The following JAZF1 variants were observed in gnomAD, a reference collection of about 807,000 sequenced individuals.
The protein encoded by JAZF1 is JAZF zinc finger 1.
JAZF1 carries 8 observed loss-of-function variants against 26.4 expected under a neutral mutation model. The observed-to-expected ratio is 0.30, with a 90% CI of 0.18 to 0.55. The LOEUF is 0.55. Ranked by LOEUF, JAZF1 falls within the 20% of genes least tolerant of loss-of-function variation. The pLI is 0.94. For synonymous variants in JAZF1, 126 were observed against 122.3 expected, an observed-to-expected ratio of 1.03 and a Z score of -0.20; for missense variants, 199 against 322.0, an observed-to-expected ratio of 0.62 and a Z score of 2.92.
chr7:28,058,182 G>C (rs138287718), intron 1 of JAZF1, among the ~76,000 whole-genome samples: 1 of 152,280 alleles, frequency 6.6e-6, no homozygotes, highest in East Asian at 1.9e-4. Flanking sequence ...CCCTGGAGCA[G>C]AAGGACCAGT....
At chr7:28,158,238 C>T (rs956527437) in intron 1 of JAZF1, among the ~76,000 whole-genome samples, 6 of 151,290 alleles carry the variant, frequency 4.0e-5, no homozygotes, top group Admixed American at 3.3e-4. Flanking sequence ...CTTCCTAATG[C>T]TGCCTGGGCC....
In JAZF1 at chr7:27,899,031, C is replaced by T. The variant is rs150660068; in HGVS notation, c.189-3615G>A. On this transcript the variant is annotated intron_variant, in intron 2 of 4. Transcript: ENST00000283928. ...GTGGGAACCCTGGTTAAAAAGGGCCCGTGTCTCCCCTGCACTAGCATGCTG... is the reference window on the plus strand; with the variant it reads ...GTGGGAACCCTGGTTAAAAAGGGCCTGTGTCTCCCCTGCACTAGCATGCTG... Among the ~76,000 whole-genome samples the T allele has an allele frequency of 3.3e-3, 505 of 152,270 alleles. 2 individuals carry two copies. Among genetic ancestry groups the T allele is most frequent in the African/African-American group, 0.012 (478 of 41,546 alleles).
intron 3 of JAZF1, among the ~76,000 whole-genome samples, chr7:27,891,793 A>G (rs563406357): frequency 6.6e-6 from 1 of 152,322 alleles, no homozygotes; most frequent in East Asian, 1.9e-4. Context: ...TGATAGCATC[A>G]CTGCACTCCA....
chr7:27,858,270 T>A (rs1219559926), intron 3 of JAZF1, among the ~76,000 whole-genome samples: 3 of 152,160 alleles, frequency 2.0e-5, no homozygotes, highest in Non-Finnish European at 2.9e-5. Context: ...TGCTCATGGA[T>A]AGGAAGAATC....
chr7:27,849,752 G>GACACAGACACACACACACACACACACAC lies in JAZF1; in HGVS notation c.386-8886_386-8885insGTGTGTGTGTGTGTGTGTGTGTCTGTGT, dbSNP rs61688947. Among the ~76,000 whole-genome samples, 86 of 108,468 alleles carry GACACAGACACACACACACACACACACAC rather than the reference G, an allele frequency of 7.9e-4. 1 individual carries two copies. Among genetic ancestry groups the GACACAGACACACACACACACACACACAC allele is most frequent in the Middle Eastern group, 9.3e-3 (2 of 214 alleles). 71.2% of individuals were successfully genotyped at this position (108,468 alleles called of 152,430 possible). On this transcript the variant is annotated intron_variant, in intron 3 of 4. Coordinates refer to ENST00000283928, the MANE Select transcript of JAZF1 (RefSeq NM_175061.4). Reference sequence around the variant, plus strand: ...ATCAATATTGGAACCCTTACACACAGACACACACACACACACACACACCCC... The same window carrying GACACAGACACACACACACACACACACAC: ...ATCAATATTGGAACCCTTACACACAGACACAGACACACACACACACACACACACACACACACACACACACACACACCCC...
intron 2 of JAZF1, among the ~76,000 whole-genome samples, chr7:27,945,600 G>A (rs764546089): frequency 6.6e-6 from 1 of 150,512 alleles, no homozygotes; most frequent in Non-Finnish European, 1.5e-5. Context: ...ATCAAGGGTT[G>A]TGGTTCATCA....
chr7:28,041,871 T>C (rs187715764), intron 1 of JAZF1, among the ~76,000 whole-genome samples: 1 of 152,138 alleles, frequency 6.6e-6, no homozygotes, highest in Non-Finnish European at 1.5e-5. Flanking sequence ...TTTCCACAAC[T>C]GTTTGACTTT....
chr7:27,831,109 C>T lies in JAZF1; in HGVS notation c.*1691G>A. 4.5e-6 allele frequency: 1 copy of T among 224,032 alleles called. No individual in the cohort carries two copies. Among genetic ancestry groups the T allele is most frequent in the Non-Finnish European group, 8.9e-6 (1 of 112,032 alleles). The allele number at this position is 224,032 out of a possible 1,614,324, so 13.9% of individuals were successfully genotyped here. ...TCACCCTTTTAAACATAGGATAACA[C>T]TGTATATTCAGGACCAAGACCATAC... On this transcript the variant is annotated 3_prime_UTR_variant, in exon 5 of 5. Coordinates refer to ENST00000283928, the MANE Select transcript of JAZF1 (RefSeq NM_175061.4).
At chr7:28,164,280 A>G (rs1783332933) in intron 1 of JAZF1, among the ~76,000 whole-genome samples, 2 of 152,186 alleles carry the variant, frequency 1.3e-5, no homozygotes. Flanking sequence ...GAGTTTTGGG[A>G]TAGTTTGTGA....
chr7:28,144,471 A>G (rs1256992149), intron 1 of JAZF1, among the ~76,000 whole-genome samples: 1 of 152,212 alleles, frequency 6.6e-6, no homozygotes, highest in Non-Finnish European at 1.5e-5. Context: ...GCAGGAAACA[A>G]TGGGAGCAGC....
chr7:28,120,402 G>C (rs186716135), intron 1 of JAZF1, among the ~76,000 whole-genome samples: 73 of 149,492 alleles, frequency 4.9e-4, no homozygotes, highest in Non-Finnish European at 9.9e-4. Flanking sequence ...ATGCTAAAAA[G>C]AAGTGAATAG....
intron 1 of JAZF1, among the ~76,000 whole-genome samples, chr7:28,050,736 C>A (rs1341830791): frequency 6.6e-6 from 1 of 152,078 alleles, no homozygotes; most frequent in Non-Finnish European, 1.5e-5. Context: ...AAAAAGAATT[C>A]CAAATACTCT....
chr7:28,029,470 G>C (rs563446453), intron 1 of JAZF1, among the ~76,000 whole-genome samples: 42 of 152,288 alleles, frequency 2.8e-4, no homozygotes, highest in African/African-American at 8.4e-4. Flanking sequence ...ACAGGCAACA[G>C]AACAGACCAT....
At chr7:27,992,043 T>C (rs1004227988) in intron 1 of JAZF1, 62 bp from the exon 2 acceptor site, 1 of 909,598 alleles carries the variant, frequency 1.1e-6, no homozygotes, top group African/African-American at 1.6e-5. Context: ...TGAGGCTACC[T>C]AACACAAAGT....
chr7:28,116,504 G>A (rs1472651988), intron 1 of JAZF1, among the ~76,000 whole-genome samples: 1 of 152,090 alleles, frequency 6.6e-6, no homozygotes, highest in Non-Finnish European at 1.5e-5. Flanking sequence ...GAGTGCAATG[G>A]TGCGATCTTG....
At chr7:28,081,913 T>C (rs1029035952) in intron 1 of JAZF1, among the ~76,000 whole-genome samples, 2 of 152,210 alleles carry the variant, frequency 1.3e-5, no homozygotes, top group African/African-American at 4.8e-5. Flanking sequence ...ACTATTAATC[T>C]ATATACCTGG....
chr7:27,928,884 C>T (rs529962004), intron 2 of JAZF1, among the ~76,000 whole-genome samples: 58 of 152,256 alleles, frequency 3.8e-4, no homozygotes, highest in African/African-American at 1.4e-3. Flanking sequence ...CAACAAACCC[C>T]CATGACACTT....
rs566818327 is a variant in JAZF1, at chr7:27,880,353, A to G, written c.385+14867T>C. 7.9e-5 allele frequency among the ~76,000 whole-genome samples: 12 copies of G among 152,336 alleles called. No homozygotes were observed. The South Asian group carries it at 2.5e-3, about 32-fold the overall frequency. On this transcript the variant is annotated intron_variant, in intron 3 of 4. Coordinates refer to ENST00000283928, the MANE Select transcript of JAZF1 (RefSeq NM_175061.4). ...TAGATTACTTACAAATGTGTTAACT[A>G]GCTGGGCACAGTGGCTCATGCCTGT...
chr7:27,964,402 C>T (rs995367), intron 2 of JAZF1, among the ~76,000 whole-genome samples: 143,669 of 152,196 alleles, frequency 0.94, 67,923 homozygotes, highest in East Asian at 1. Context: ...TATGTGGCCA[C>T]TAAAACAGTA....
Sources: allele counts gnomAD v4.1 joint callset (sites outside exome capture counted in the v4.1 genomes callset), GRCh38; gene constraint gnomAD v4.1.1; transcripts MANE v1.5; gene names NCBI Gene and HGNC (gene_info 2026-07-23, HGNC 2026-07-21).